The following SLC24A3 variants were observed in gnomAD, a reference collection of about 807,000 sequenced individuals.
SLC24A3 encodes the protein sodium/potassium/calcium exchanger 3.
SLC24A3 carries 28 observed loss-of-function variants against 75.8 expected under a neutral mutation model. The observed-to-expected ratio is 0.37, with a 90% CI of 0.27 to 0.51. The LOEUF (loss-of-function observed/expected upper bound fraction) is 0.51, where lower values mean the gene tolerates loss of function less well. Ranked by LOEUF, SLC24A3 falls within the 20% of genes least tolerant of loss-of-function variation. SLC24A3 has a pLI of 0.94. For synonymous variants in SLC24A3, 372 were observed against 334.1 expected, an observed-to-expected ratio of 1.11 and a Z score of -1.24; for missense variants, 663 against 847.8, an observed-to-expected ratio of 0.78 and a Z score of 2.71.
At chr20:19,613,668 C>T (rs1185454729) in intron 6 of SLC24A3, among the ~76,000 whole-genome samples, 1 of 152,194 alleles carries the variant, frequency 6.6e-6, no homozygotes, top group African/African-American at 2.4e-5. Flanking sequence ...GGGATGTTCA[C>T]GCATGGCCAA....
Position 19,314,069 on chromosome 20 carries a change from A to G in SLC24A3, c.271+32982A>G, listed in dbSNP as rs145460213. Among the ~76,000 whole-genome samples, 71 of 147,486 alleles carry G rather than the reference A, an allele frequency of 4.8e-4. No individual in the cohort carries two copies. In the East Asian group the frequency reaches 0.013, roughly 27 times the overall value. On this transcript the variant is annotated intron_variant, in intron 2 of 16. Transcript: ENST00000328041. ...GTCACTGTGGTCATTTATCCAGCTCATGTTTACAGAACCCAGGACTGTTGA... is the reference window on the plus strand; with the variant it reads ...GTCACTGTGGTCATTTATCCAGCTCGTGTTTACAGAACCCAGGACTGTTGA...
rs1218394578 is a variant in SLC24A3, at chr20:19,678,157, T to C, written c.768-3701T>C. 8.7e-4 allele frequency among the ~76,000 whole-genome samples: 131 copies of C among 151,046 alleles called. 4 individuals carry two copies. The East Asian group carries it at 0.021, about 24-fold the overall frequency. ...TCGATTTCTCAATCTTTTCCCCACC[T>C]TTCCCCCCTTTCTATTCCACAAAAC... On this transcript the variant is annotated intron_variant, in intron 9 of 16. Coordinates refer to ENST00000328041, the MANE Select transcript of SLC24A3 (RefSeq NM_020689.4).
At chr20:19,501,871 C>A (rs1001315929) in intron 2 of SLC24A3, among the ~76,000 whole-genome samples, 4 of 152,134 alleles carry the variant, frequency 2.6e-5, no homozygotes, top group African/African-American at 9.7e-5. Context: ...TCCCAACAAC[C>A]TTTACTTTCC....
At chr20:19,389,907 C>G (rs1399720217) in intron 2 of SLC24A3, among the ~76,000 whole-genome samples, 1 of 152,108 alleles carries the variant, frequency 6.6e-6, no homozygotes, top group Non-Finnish European at 1.5e-5. Flanking sequence ...CCTTTCTTCA[C>G]TCTTTAAATT....
intron 3 of SLC24A3, among the ~76,000 whole-genome samples, chr20:19,556,198 C>T (rs1462533127): frequency 6.6e-6 from 1 of 152,122 alleles, no homozygotes; most frequent in Non-Finnish European, 1.5e-5. Context: ...TAGGTTTCAA[C>T]ATATAAATTT....
intron 16 of SLC24A3, 32 bp from the exon 17 acceptor site, chr20:19,720,959 G>C: frequency 6.2e-7 from 1 of 1,610,336 alleles, no homozygotes; most frequent in Non-Finnish European, 8.5e-7. Flanking sequence ...GCCTCCTCCT[G>C]GTGCCCTCTG....
intron 2 of SLC24A3, among the ~76,000 whole-genome samples, chr20:19,427,033 G>A (rs1363314609): frequency 6.6e-6 from 1 of 152,192 alleles, no homozygotes; most frequent in African/African-American, 2.4e-5. Context: ...AGATATGCAT[G>A]TATGTGTGTA....
At chr20:19,461,072 A>G (rs1009533580) in intron 2 of SLC24A3, among the ~76,000 whole-genome samples, 3 of 152,206 alleles carry the variant, frequency 2.0e-5, no homozygotes, top group African/African-American at 7.2e-5. Context: ...TCTGGAAGAG[A>G]TCAAGGTGAG....
chr20:19,546,709 C>A (rs2030602275), intron 3 of SLC24A3, among the ~76,000 whole-genome samples: 1 of 152,170 alleles, frequency 6.6e-6, no homozygotes, highest in South Asian at 2.1e-4. Context: ...CACATAATAC[C>A]CTCAAGCCAT....
chr20:19,365,794 C>G (rs958439524), intron 2 of SLC24A3, among the ~76,000 whole-genome samples: 2 of 152,150 alleles, frequency 1.3e-5, no homozygotes, highest in African/African-American at 2.4e-5. Flanking sequence ...TTAACATATC[C>G]AATTGCAAAA....
intron 2 of SLC24A3, among the ~76,000 whole-genome samples, chr20:19,346,775 A>G (rs145000455): frequency 1.3e-5 from 2 of 152,288 alleles, no homozygotes; most frequent in East Asian, 3.9e-4. Context: ...CAGAAATCTC[A>G]GAAATCACCA....
intron 3 of SLC24A3, among the ~76,000 whole-genome samples, chr20:19,538,481 A>C (rs555530147): frequency 6.6e-6 from 1 of 152,242 alleles, no homozygotes; most frequent in Admixed American, 6.5e-5. Flanking sequence ...CTTGAACTTC[A>C]TAGATGAGAA....
At chr20:19,673,389 T>C (rs1022320125) in intron 8 of SLC24A3, among the ~76,000 whole-genome samples, 2 of 152,198 alleles carry the variant, frequency 1.3e-5, no homozygotes, top group African/African-American at 4.8e-5. Flanking sequence ...GGAAGGGGCA[T>C]TTTCCCTTTA....
At chr20:19,573,114 G>C (rs1396073487) in intron 3 of SLC24A3, among the ~76,000 whole-genome samples, 1 of 152,192 alleles carries the variant, frequency 6.6e-6, no homozygotes, top group African/African-American at 2.4e-5. Flanking sequence ...CAGGAGTGCA[G>C]ATGATGTAGT....
At chr20:19,409,929 G>A (rs1986715055) in intron 2 of SLC24A3, among the ~76,000 whole-genome samples, 1 of 151,792 alleles carries the variant, frequency 6.6e-6, no homozygotes, top group Admixed American at 6.6e-5. Flanking sequence ...TCTTTGGGTG[G>A]TAGAATTGTG....
chr20:19,590,814 G>C (rs889594375), intron 6 of SLC24A3, among the ~76,000 whole-genome samples: 1 of 152,180 alleles, frequency 6.6e-6, no homozygotes, highest in African/African-American at 2.4e-5. Flanking sequence ...CCTAGCCCAA[G>C]GCCAACTGAA....
At chr20:19,558,221 C>T (rs1211610513) in intron 3 of SLC24A3, among the ~76,000 whole-genome samples, 3 of 152,128 alleles carry the variant, frequency 2.0e-5, no homozygotes, top group African/African-American at 7.2e-5. Context: ...AAGAAAATAT[C>T]ATTTTTATAA....
intron 2 of SLC24A3, among the ~76,000 whole-genome samples, chr20:19,337,626 C>G (rs554151142): frequency 6.6e-6 from 1 of 152,216 alleles, no homozygotes; most frequent in South Asian, 2.1e-4. Context: ...CCTTGGGAAC[C>G]CTATTGTTAT....
intron 2 of SLC24A3, among the ~76,000 whole-genome samples, chr20:19,315,182 A>G (rs750125567): frequency 6.6e-6 from 1 of 152,106 alleles, no homozygotes; most frequent in Non-Finnish European, 1.5e-5. Flanking sequence ...TCTATAGTTC[A>G]CACAGGGTAG....
Sources: allele counts gnomAD v4.1 joint callset (sites outside exome capture counted in the v4.1 genomes callset), GRCh38; gene constraint gnomAD v4.1.1; transcripts MANE v1.5; gene names NCBI Gene and HGNC (gene_info 2026-07-23, HGNC 2026-07-21).